Variants in N4BP2 observed in about 807,000 individuals in gnomAD.
N4BP2 encodes NEDD4 binding protein 2, also known as NEDD4-binding protein 2.
In N4BP2, 91 loss-of-function variants were observed where a neutral mutation model predicts 152.8. That is an observed-to-expected ratio of 0.60 (90% CI 0.50 to 0.71). N4BP2 has a LOEUF of 0.71. Ranked by LOEUF, N4BP2 falls within the 30% of genes least tolerant of loss-of-function variation. The pLI, the probability that N4BP2 is intolerant of heterozygous loss-of-function variation, is 0.00. For missense variants in N4BP2, 1,923 were observed against 2,059.1 expected (o/e 0.93, Z 1.28); for synonymous variants, 646 against 705.3 (o/e 0.92, Z 1.33).
Position 40,120,524 on chromosome 4 carries a change from A to G in N4BP2, c.2413A>G (p.Arg805Gly). The G allele has an allele frequency of 6.2e-7, 1 of 1,613,514 alleles. No individual in the cohort carries two copies. The highest frequency in any genetic ancestry group is 8.5e-7 in the Non-Finnish European group (1 of 1,179,884). Reference sequence around the variant, plus strand: ...TATTGGTCAGAGGACAAAAAGGAACAGAAAAACTGAAAAAACTTCATCCGT... The same window carrying G: ...TATTGGTCAGAGGACAAAAAGGAACGGAAAAACTGAAAAAACTTCATCCGT... ...KTIGQRTKRNRKTEKTSSVQS... is the reference protein window; with the variant it reads ...KTIGQRTKRNGKTEKTSSVQS... The change falls in exon 9 of 18, where the codon AGA becomes GGA. Residue 805 changes from arginine (R) to glycine (G), a missense_variant. Physicochemically the swap from Arg to Gly is moderately radical, Grantham distance 125 (BLOSUM62 -2). Transcript: ENST00000261435.
At chr4:40,174,496 T>TGAAG in the N4BP2 span, among the ~76,000 whole-genome samples, 4 of 152,004 alleles carry the variant, frequency 2.6e-5, no homozygotes, top group African/African-American at 9.7e-5. Context: ...AAGTGTGTGT[T>TGAAG]GAAGAATGGA....
chr4:40,111,413 C>T lies in N4BP2; in HGVS notation c.1499-671C>T, dbSNP rs375584603. 5.3e-5 allele frequency among the ~76,000 whole-genome samples: 8 copies of T among 151,610 alleles called. No individual in the cohort carries two copies. The South Asian group carries it at 6.3e-4, about 12-fold the overall frequency. ...TCAGCTCACTGCAACCTCCGCATAC[C>T]GGGTTCAAGTGATTCTGCTGTCTCA... is the stretch of plus-strand genomic sequence containing the variant. On this transcript the variant is annotated intron_variant, in intron 5 of 17. Coordinates refer to ENST00000261435, the MANE Select transcript of N4BP2 (RefSeq NM_018177.6).
chr4:40,123,008 A>C, intron 9 of N4BP2, 119 bp from the exon 10 acceptor site: 1 of 589,060 alleles, frequency 1.7e-6, no homozygotes, highest in Non-Finnish European at 3.1e-6. Flanking sequence ...AAATAGAAGC[A>C]TAAGTTAGGA....
chr4:40,058,030 C>T (rs1733362408), intron 1 of N4BP2, among the ~76,000 whole-genome samples: 1 of 152,140 alleles, frequency 6.6e-6, no homozygotes, highest in South Asian at 2.1e-4. Flanking sequence ...GGCTGCTTGC[C>T]TGGAGACTGG....
intron 2 of N4BP2, among the ~76,000 whole-genome samples, chr4:40,093,894 C>A (rs1714868620): frequency 6.6e-6 from 1 of 152,058 alleles, no homozygotes; most frequent in South Asian, 2.1e-4. Context: ...GCCACCGCGC[C>A]CAGCTAATTT....
the N4BP2 span, among the ~76,000 whole-genome samples, chr4:40,174,551 C>T: frequency 6.6e-6 from 1 of 151,948 alleles, no homozygotes; most frequent in East Asian, 1.9e-4. Context: ...GCCTGTAATC[C>T]CAGTACTTTG....
intron 16 of N4BP2, among the ~76,000 whole-genome samples, chr4:40,152,354 A>G (rs1721219258): frequency 6.6e-6 from 1 of 152,226 alleles, no homozygotes; most frequent in Non-Finnish European, 1.5e-5. Flanking sequence ...ATGGCTTTAG[A>G]ATATTTAATT....
In N4BP2 at chr4:40,121,124, A is replaced by C; in HGVS notation, c.3013A>C (p.Arg1005=). The C allele has an allele frequency of 1.2e-6, 2 of 1,614,164 alleles. No individual in the cohort carries two copies. The highest frequency in any genetic ancestry group is 1.7e-6 in the Non-Finnish European group (2 of 1,180,042). The change falls in exon 9 of 18, where the codon AGA becomes CGA. Residue 1005 remains arginine (R), a synonymous_variant. Coordinates refer to ENST00000261435, the MANE Select transcript of N4BP2 (RefSeq NM_018177.6). ...LAECQEQMPK[R]DPGKEVGMCT... is the part of the protein sequence containing the mutation. The stretch of plus-strand genomic sequence containing the variant: ...TGAATGTCAAGAGCAAATGCCTAAG[A>C]GAGACCCTGGAAAAGAAGTAGGCAT...
chr4:40,131,913 AC>A lies in N4BP2; in HGVS notation c.4642del (p.His1548ThrfsTer5). ...AATTTTCTGGTGGACATTTTCAAGGACCACAAGTGAGTGCTAGAAGGATTGT... is the reference window on the plus strand; with the variant it reads ...AATTTTCTGGTGGACATTTTCAAGGACACAAGTGAGTGCTAGAAGGATTGT... The part of the protein sequence containing the change: ...NQNFLVDIFK[D>X]HNYSLEHTVQ... On this transcript the variant is annotated frameshift_variant, in exon 13 of 18. Transcript: ENST00000261435. LOFTEE classifies it high-confidence loss of function. 1 of 1,567,232 alleles carries A rather than the reference AC, an allele frequency of 6.4e-7. No homozygotes were observed. Among genetic ancestry groups the A allele is most frequent in the Non-Finnish European group, 8.8e-7 (1 of 1,137,568 alleles).
In N4BP2 at chr4:40,121,837, T is replaced by TCCTAACAGCCAGCTTACTGCTTAC; in HGVS notation, c.3726_3727insCCTAACAGCCAGCTTACTGCTTAC (p.Leu1242_Leu1243insProAsnSerGlnLeuThrAlaTyr). ...TACTTCCTAACAGCCAGGAAGAACT[T>TCCTAACAGCCAGCTTACTGCTTAC]TTATATAGCAGTAAGCAGTCCTTTC... On this transcript the variant is annotated inframe_insertion, in exon 9 of 18. Transcript: ENST00000261435. 6.2e-7 allele frequency: 1 copy of TCCTAACAGCCAGCTTACTGCTTAC among 1,614,082 alleles called. No individual in the cohort carries two copies. The highest frequency in any genetic ancestry group is 8.5e-7 in the Non-Finnish European group (1 of 1,179,984).
chr4:40,075,460 G>A (rs1320423075), intron 2 of N4BP2, among the ~76,000 whole-genome samples: 3 of 151,312 alleles, frequency 2.0e-5, no homozygotes, highest in African/African-American at 7.3e-5. Context: ...GTGCAGTGGC[G>A]CGATCTTAGC....
At chr4:40,107,568 G>C (rs1716430517) in intron 5 of N4BP2, among the ~76,000 whole-genome samples, 1 of 151,968 alleles carries the variant, frequency 6.6e-6, no homozygotes, top group Non-Finnish European at 1.5e-5. Flanking sequence ...ATTTTTTATA[G>C]AGACGGGGTT....
intron 16 of N4BP2, among the ~76,000 whole-genome samples, chr4:40,150,049 T>C (rs114359847): frequency 2.0e-5 from 3 of 152,352 alleles, no homozygotes; most frequent in Non-Finnish European, 4.4e-5. Context: ...CTGTAGTTAC[T>C]GTCAGTCACC....
At chr4:40,186,553 G>T in the N4BP2 span, among the ~76,000 whole-genome samples, 1 of 152,212 alleles carries the variant, frequency 6.6e-6, no homozygotes, top group Non-Finnish European at 1.5e-5. Flanking sequence ...GTGGGTACTG[G>T]TCTGCAGCCC....
the N4BP2 span, among the ~76,000 whole-genome samples, chr4:40,175,807 G>GAAAAAA: frequency 1.6e-5 from 1 of 64,006 alleles, no homozygotes. Context: ...CTCGTCTCAA[G>GAAAAAA]AAAAAAAAAA....
intron 5 of N4BP2, among the ~76,000 whole-genome samples, chr4:40,109,023 G>A (rs1399344374): frequency 2.0e-5 from 3 of 151,888 alleles, no homozygotes; most frequent in Non-Finnish European, 4.4e-5. Flanking sequence ...CACCATGTTG[G>A]CCAGGATGGT....
chr4:40,121,720 G>A lies in N4BP2; in HGVS notation c.3609G>A (p.Gln1203=), dbSNP rs1266353388. 3.7e-6 allele frequency: 6 copies of A among 1,613,972 alleles called. No individual in the cohort carries two copies. The change falls in exon 9 of 18, where the codon CAG becomes CAA. Residue 1203 remains glutamine, a synonymous_variant. Coordinates refer to ENST00000261435, the MANE Select transcript of N4BP2 (RefSeq NM_018177.6). ...ATGCAGAAAGAGGAAACTCAGAGCA[G>A]GCGGAAATGAGAGCTGTCACTCCTG... The part of the protein sequence containing the change: ...TCDAERGNSE[Q]AEMRAVTPEN...
chr4:40,064,553 G>A (rs1054991356), intron 1 of N4BP2, among the ~76,000 whole-genome samples: 7 of 152,236 alleles, frequency 4.6e-5, no homozygotes, highest in African/African-American at 1.4e-4. Flanking sequence ...GGTTACAGGC[G>A]TGAGCCACCG....
intron 1 of N4BP2, among the ~76,000 whole-genome samples, chr4:40,057,888 G>C (rs1415420819): frequency 6.6e-6 from 1 of 152,196 alleles, no homozygotes; most frequent in Non-Finnish European, 1.5e-5. Flanking sequence ...ACTAGGATCT[G>C]ATATTTGTGG....
Sources: allele counts gnomAD v4.1 joint callset (sites outside exome capture counted in the v4.1 genomes callset), GRCh38; gene constraint gnomAD v4.1.1; transcripts MANE v1.5; gene names NCBI Gene and HGNC (gene_info 2026-07-23, HGNC 2026-07-21).